ANGPT1: variants seen among roughly 807,000 people sequenced by gnomAD.
ANGPT1 encodes the protein angiopoietin 1.
ANGPT1 carries 17 observed loss-of-function variants against 62.2 expected under a neutral mutation model. The ratio of observed to expected loss-of-function variants is 0.27; its 90% CI spans 0.19 to 0.41. The LOEUF (loss-of-function observed/expected upper bound fraction) is 0.41, where lower values mean the gene tolerates loss of function less well. Ranked by LOEUF, ANGPT1 falls within the 10% of genes least tolerant of loss-of-function variation. The pLI is 1.00. For missense variants in ANGPT1, 478 were observed against 594.9 expected (o/e 0.80, Z 2.04); for synonymous variants, 199 against 198.9 (o/e 1.00, Z 0.00).
intron 8 of ANGPT1, among the ~76,000 whole-genome samples, chr8:107,255,339 G>C (rs1437397595): frequency 6.6e-6 from 1 of 152,132 alleles, no homozygotes; most frequent in Non-Finnish European, 1.5e-5. Context: ...CAGCAGGTTG[G>C]CTTGGCTGGA....
At chr8:107,367,184 C>G (rs1465721899) in intron 1 of ANGPT1, among the ~76,000 whole-genome samples, 1 of 152,126 alleles carries the variant, frequency 6.6e-6, no homozygotes, top group Non-Finnish European at 1.5e-5. Flanking sequence ...CACAATAAAG[C>G]AAATAGTGCA....
chr8:107,284,879 C>T, intron 6 of ANGPT1, 31 bp from the exon 7 acceptor site: 2 of 1,444,776 alleles, frequency 1.4e-6, no homozygotes, highest in Non-Finnish European at 1.8e-6. Context: ...GCAGTTGTTA[C>T]TTTAGAGAGG....
At chr8:107,263,354 CAAAAAAAA>C (rs36190408) in intron 8 of ANGPT1, among the ~76,000 whole-genome samples, 1 of 91,276 alleles carries the variant, frequency 1.1e-5, no homozygotes, top group Non-Finnish European at 2.1e-5. Flanking sequence ...AACTCAGTTT[CAAAAAAAA>C]AAAAAAAAAA....
intron 1 of ANGPT1, among the ~76,000 whole-genome samples, chr8:107,356,990 T>C (rs1816060509): frequency 6.6e-6 from 1 of 152,222 alleles, no homozygotes; most frequent in South Asian, 2.1e-4. Context: ...TACACACAAA[T>C]ACATTTGCAC....
intron 1 of ANGPT1, among the ~76,000 whole-genome samples, chr8:107,430,237 G>T (rs1209998299): frequency 6.6e-6 from 1 of 152,156 alleles, no homozygotes; most frequent in East Asian, 1.9e-4. Context: ...AATGAAAATG[G>T]AGTTTACTAT....
At chr8:107,318,160 T>C (rs1027161878) in intron 4 of ANGPT1, among the ~76,000 whole-genome samples, 1 of 152,202 alleles carries the variant, frequency 6.6e-6, no homozygotes, top group Non-Finnish European at 1.5e-5. Flanking sequence ...TGTGGCCCAA[T>C]GTTTGCAGAT....
chr8:107,269,187 A>G (rs1813683191), intron 7 of ANGPT1, among the ~76,000 whole-genome samples: 1 of 152,090 alleles, frequency 6.6e-6, no homozygotes, highest in Admixed American at 6.6e-5. Flanking sequence ...ATTCTTTCTT[A>G]GCAGCTCTTT....
At chr8:107,365,310 A>G (rs1160726499) in intron 1 of ANGPT1, among the ~76,000 whole-genome samples, 1 of 152,200 alleles carries the variant, frequency 6.6e-6, no homozygotes, top group Non-Finnish European at 1.5e-5. Flanking sequence ...GGGCAGCCTC[A>G]AATGGTGCTC....
intron 1 of ANGPT1, among the ~76,000 whole-genome samples, chr8:107,440,579 G>C (rs1811449510): frequency 2.0e-5 from 3 of 152,132 alleles, no homozygotes; most frequent in African/African-American, 7.2e-5. Flanking sequence ...ATTCTTTTGT[G>C]ACTATAATTT....
At chr8:107,292,211 C>CT (rs1434952479) in intron 6 of ANGPT1, among the ~76,000 whole-genome samples, 4 of 152,110 alleles carry the variant, frequency 2.6e-5, no homozygotes. Context: ...ATGCCTAATT[C>CT]TTTTTTTCTC....
chr8:107,481,583 G>T (rs947567048), intron 1 of ANGPT1, among the ~76,000 whole-genome samples: 2 of 139,238 alleles, frequency 1.4e-5, no homozygotes, highest in African/African-American at 2.7e-5. Flanking sequence ...ATCTGTAAAA[G>T]GTACTATATT....
chr8:107,266,995 ATAT>A (rs1487512206), intron 7 of ANGPT1, among the ~76,000 whole-genome samples: 1 of 152,022 alleles, frequency 6.6e-6, no homozygotes, highest in Non-Finnish European at 1.5e-5. Context: ...TACTCTTTTC[ATAT>A]TAACAATTTT....
chr8:107,353,211 C>A (rs1815970071), intron 1 of ANGPT1, among the ~76,000 whole-genome samples: 1 of 152,088 alleles, frequency 6.6e-6, no homozygotes, highest in Non-Finnish European at 1.5e-5. Flanking sequence ...TACAAGAGAG[C>A]TGAAAGAGAC....
intron 1 of ANGPT1, among the ~76,000 whole-genome samples, chr8:107,416,494 T>A (rs1810750333): frequency 6.6e-6 from 1 of 152,186 alleles, no homozygotes; most frequent in African/African-American, 2.4e-5. Flanking sequence ...TATAAGTTCT[T>A]GTTCACCTTC....
intron 7 of ANGPT1, among the ~76,000 whole-genome samples, chr8:107,270,590 C>T (rs934008689): frequency 3.3e-5 from 5 of 151,978 alleles, no homozygotes; most frequent in Non-Finnish European, 7.4e-5. Flanking sequence ...GAACTGGGCA[C>T]CATTAGCCAA....
intron 7 of ANGPT1, among the ~76,000 whole-genome samples, chr8:107,267,738 A>T (rs1311408746): frequency 1.3e-5 from 2 of 152,082 alleles, no homozygotes; most frequent in Admixed American, 6.6e-5. Flanking sequence ...GTGATTTGCA[A>T]GGCCTTTGAA....
At chr8:107,434,676 T>A (rs1811288779) in intron 1 of ANGPT1, among the ~76,000 whole-genome samples, 1 of 152,198 alleles carries the variant, frequency 6.6e-6, no homozygotes, top group African/African-American at 2.4e-5. Context: ...CTAACCCTGA[T>A]TACATGGCAA....
chr8:107,344,093 A>G (rs1284049859), intron 2 of ANGPT1, among the ~76,000 whole-genome samples: 1 of 152,072 alleles, frequency 6.6e-6, no homozygotes, highest in African/African-American at 2.4e-5. Flanking sequence ...GGAAATAAAC[A>G]TAGGATGGTA....
At chr8:107,324,218 T>G (rs1275460801) in intron 3 of ANGPT1, among the ~76,000 whole-genome samples, 1 of 150,264 alleles carries the variant, frequency 6.7e-6, no homozygotes, top group Non-Finnish European at 1.5e-5. Flanking sequence ...TATATATATG[T>G]GTGTGTGTGT....
Sources: gnomAD v4.1 joint callset for allele counts (sites outside exome capture counted in the v4.1 genomes callset) on GRCh38, gnomAD v4.1.1 for gene constraint, MANE v1.5 for transcripts, NCBI Gene and HGNC (gene_info 2026-07-23, HGNC 2026-07-21) for gene names.